VCL: variants seen among roughly 807,000 people sequenced by gnomAD.
VCL encodes vinculin, also known as epididymis luminal protein 114.
In VCL, 47 loss-of-function variants were observed where a neutral mutation model predicts 125.7. The ratio of observed to expected loss-of-function variants is 0.37; its 90% CI spans 0.30 to 0.48. The LOEUF is 0.48. Among genes scored for constraint, VCL ranks in the 20% least tolerant of loss-of-function variants. The probability of loss-of-function intolerance (pLI) is 0.99; values close to 1 mark genes in which losing one functional copy is unlikely to be tolerated. For synonymous variants in VCL, 458 were observed against 514.6 expected (o/e 0.89, Z 1.49); for missense variants, 1,069 against 1,455.5 (o/e 0.73, Z 4.32).
At position 74,095,868 on chromosome 10, in the gene VCL, A is replaced by T. The variant is rs1189266679; in HGVS notation, c.1743+13A>T. The stretch of plus-strand genomic sequence containing the variant: ...AGACTCCTTAAAGGTAGAAGTCAGG[A>T]GCACATATCATTTTACTTTTTATGC... On this transcript the variant is annotated intron_variant, in intron 12 of 21. Transcript: ENST00000211998. 4.3e-6 allele frequency: 7 copies of T among 1,612,176 alleles called. No individual in the cohort carries two copies. In the Admixed American group the frequency reaches 1.2e-4, roughly 27 times the overall value.
intron 2 of VCL, among the ~76,000 whole-genome samples, chr10:74,048,304 A>C (rs1841230333): frequency 6.6e-6 from 1 of 152,022 alleles, no homozygotes; most frequent in Non-Finnish European, 1.5e-5. Flanking sequence ...CCCCATCTCT[A>C]CTAAAAATTC....
intron 1 of VCL, among the ~76,000 whole-genome samples, chr10:74,028,107 C>T (rs1840808310): frequency 6.6e-6 from 1 of 152,084 alleles, no homozygotes. Context: ...ACAGGATCTC[C>T]CCCTGTTGCC....
At chr10:74,051,611 GT>G (rs1300629043) in intron 2 of VCL, among the ~76,000 whole-genome samples, 3 of 152,198 alleles carry the variant, frequency 2.0e-5, no homozygotes, top group Admixed American at 2.0e-4. Context: ...ACCCTGAACT[GT>G]TTGATTCCAA....
downstream of VCL, chr10:74,120,748 C>A (rs1591726605): frequency 2.0e-5 from 3 of 152,310 alleles, no homozygotes; most frequent in Admixed American, 1.3e-4. Context: ...GAACTCCTGA[C>A]CTCAAGTGAT....
intron 1 of VCL, among the ~76,000 whole-genome samples, chr10:74,022,468 C>T (rs939275603): frequency 2.6e-5 from 4 of 151,610 alleles, no homozygotes; most frequent in Non-Finnish European, 5.9e-5. Context: ...ATTGCTTGAA[C>T]CCAGGAGGCA....
Position 74,114,164 on chromosome 10 carries a change from G to C in VCL, c.2950-20G>C, listed in dbSNP as rs1564535598. The C allele has an allele frequency of 6.2e-7, 1 of 1,612,204 alleles. No homozygotes were observed. Among genetic ancestry groups the C allele is most frequent in the Admixed American group, 1.7e-5 (1 of 60,006 alleles). On this transcript the variant is annotated intron_variant, in intron 19 of 21. Coordinates refer to ENST00000211998, the MANE Select transcript of VCL (RefSeq NM_014000.3). ...CCAGAGCGTGGGCAGAGCTCACACT[G>C]TATCTTTGCTTCCCTCTAGGGCAAT... is the stretch of plus-strand genomic sequence containing the variant.
At chr10:74,029,585 A>G (rs1313391908) in intron 1 of VCL, among the ~76,000 whole-genome samples, 2 of 152,232 alleles carry the variant, frequency 1.3e-5, no homozygotes, top group Non-Finnish European at 2.9e-5. Flanking sequence ...CTGCCAAGGA[A>G]GCTTAACATT....
intron 1 of VCL, among the ~76,000 whole-genome samples, chr10:74,001,310 T>C (rs1840220182): frequency 6.6e-6 from 1 of 152,176 alleles, no homozygotes. Context: ...TTGTCTGATA[T>C]TCCTCTCTTT....
At chr10:74,099,091 C>G (rs959763165) in intron 13 of VCL, among the ~76,000 whole-genome samples, 1 of 152,222 alleles carries the variant, frequency 6.6e-6, no homozygotes, top group South Asian at 2.1e-4. Flanking sequence ...CTGCATAGCT[C>G]TAACTGGTCT....
At chr10:74,075,648 G>A (rs919694321) in intron 6 of VCL, 13 of 152,492 alleles carry the variant, frequency 8.5e-5, no homozygotes, top group African/African-American at 3.1e-4. Context: ...TGTAGGCAGT[G>A]GGGGGAACAC....
chr10:74,002,235 C>T (rs1840239493), intron 1 of VCL, among the ~76,000 whole-genome samples: 2 of 152,198 alleles, frequency 1.3e-5, no homozygotes, highest in African/African-American at 4.8e-5. Flanking sequence ...AAGTGATTCT[C>T]CTGCCTCAGC....
At chr10:74,017,763 A>C (rs1333859900) in intron 1 of VCL, among the ~76,000 whole-genome samples, 2 of 151,910 alleles carry the variant, frequency 1.3e-5, no homozygotes, top group African/African-American at 4.8e-5. Flanking sequence ...ATACAATTTT[A>C]TTATACTTAA....
intron 1 of VCL, among the ~76,000 whole-genome samples, chr10:74,042,756 T>C (rs1841118622): frequency 6.6e-6 from 1 of 152,232 alleles, no homozygotes; most frequent in Non-Finnish European, 1.5e-5. Flanking sequence ...ATTTTAGAGA[T>C]GTGGCCTAGT....
At chr10:74,093,498 T>G (rs1016799925) in intron 10 of VCL, among the ~76,000 whole-genome samples, 1 of 152,040 alleles carries the variant, frequency 6.6e-6, no homozygotes, top group Non-Finnish European at 1.5e-5. Flanking sequence ...AGGCAACTGC[T>G]TATGGCTGGG....
At chr10:74,094,020 G>T (rs527948637) in intron 10 of VCL, among the ~76,000 whole-genome samples, 1 of 152,286 alleles carries the variant, frequency 6.6e-6, no homozygotes, top group East Asian at 1.9e-4. Flanking sequence ...ATTGAGCTCC[G>T]CTAACCAAAT....
intron 14 of VCL, 78 bp downstream of exon 14, chr10:74,101,175 A>G (rs1840048393): frequency 6.5e-7 from 1 of 1,547,484 alleles, no homozygotes; most frequent in African/African-American, 1.4e-5. Flanking sequence ...ATTTTTGAAT[A>G]CTTACCGTAA....
chr10:74,003,102 TCA>T (rs1565630380), intron 1 of VCL, among the ~76,000 whole-genome samples: 1 of 151,920 alleles, frequency 6.6e-6, no homozygotes, highest in Non-Finnish European at 1.5e-5. Context: ...AGATAGAGTC[TCA>T]CTGTGTAGTC....
chr10:74,040,557 T>C (rs1172512572), intron 1 of VCL, among the ~76,000 whole-genome samples: 1 of 152,210 alleles, frequency 6.6e-6, no homozygotes, highest in Non-Finnish European at 1.5e-5. Context: ...CATGAAATCA[T>C]GGCCATAGCT....
intron 1 of VCL, among the ~76,000 whole-genome samples, chr10:74,030,017 G>C (rs1176153822): frequency 6.6e-6 from 1 of 152,148 alleles, no homozygotes; most frequent in Non-Finnish European, 1.5e-5. Context: ...AATAGCTGAG[G>C]CTTCAGTAAA....
Sources: gnomAD v4.1 joint callset for allele counts (sites outside exome capture counted in the v4.1 genomes callset) on GRCh38, gnomAD v4.1.1 for gene constraint, MANE v1.5 for transcripts, NCBI Gene and HGNC (gene_info 2026-07-23, HGNC 2026-07-21) for gene names.